The following RHOBTB3 variants were observed in gnomAD, a reference collection of about 807,000 sequenced individuals.
The protein encoded by RHOBTB3 is rho-related BTB domain-containing protein 3.
In RHOBTB3, 47 loss-of-function variants were observed where a neutral mutation model predicts 67.2. That is an observed-to-expected ratio of 0.70 (90% CI 0.55 to 0.89). RHOBTB3 has a LOEUF of 0.89. Among genes scored for constraint, RHOBTB3 ranks in the 40% least tolerant of loss-of-function variants. RHOBTB3 has a pLI of 0.00. For synonymous variants in RHOBTB3, 273 were observed against 274.2 expected, an observed-to-expected ratio of 1.00 and a Z score of 0.04; for missense variants, 631 against 750.0, an observed-to-expected ratio of 0.84 and a Z score of 1.85.
At chr5:95,777,940 A>T (rs1745936879) in intron 8 of RHOBTB3, among the ~76,000 whole-genome samples, 1 of 152,066 alleles carries the variant, frequency 6.6e-6, no homozygotes, top group Non-Finnish European at 1.5e-5. Context: ...AACACAGCAA[A>T]ACCCTGTCCC....
intron 8 of RHOBTB3, among the ~76,000 whole-genome samples, chr5:95,777,608 A>G (rs754538908): frequency 3.3e-5 from 5 of 152,226 alleles, no homozygotes; most frequent in Non-Finnish European, 7.3e-5. Context: ...TACGTAAACC[A>G]TAAACCGCAT....
At chr5:95,739,289 C>G (rs180995267) in intron 3 of RHOBTB3, among the ~76,000 whole-genome samples, 1 of 152,328 alleles carries the variant, frequency 6.6e-6, no homozygotes, top group African/African-American at 2.4e-5. Flanking sequence ...ATCTCAAACT[C>G]ATTACTTTCT....
chr5:95,734,585 A>C (rs929883515), intron 2 of RHOBTB3, among the ~76,000 whole-genome samples: 1 of 152,144 alleles, frequency 6.6e-6, no homozygotes, highest in South Asian at 2.1e-4. Flanking sequence ...TTTTAAAACA[A>C]ATGTGCTGCA....
intron 7 of RHOBTB3, among the ~76,000 whole-genome samples, chr5:95,765,270 C>G (rs1290395801): frequency 3.9e-5 from 6 of 152,168 alleles, no homozygotes. Context: ...GTACAGAAAT[C>G]TTGCCTTTTC....
At chr5:95,774,986 GGTATT>G (rs1745824811) in intron 8 of RHOBTB3, among the ~76,000 whole-genome samples, 1 of 152,050 alleles carries the variant, frequency 6.6e-6, no homozygotes, top group Non-Finnish European at 1.5e-5. Context: ...GTTGTATTTT[GGTATT>G]GGTATTCACA....
chr5:95,744,326 G>A (rs971302968), intron 3 of RHOBTB3, among the ~76,000 whole-genome samples: 2 of 152,054 alleles, frequency 1.3e-5, no homozygotes, highest in Non-Finnish European at 2.9e-5. Flanking sequence ...GAAGCCTTCC[G>A]TAATCCCCCC....
At chr5:95,752,846 A>G (rs1745128750) in intron 5 of RHOBTB3, among the ~76,000 whole-genome samples, 1 of 152,182 alleles carries the variant, frequency 6.6e-6, no homozygotes, top group Non-Finnish European at 1.5e-5. Context: ...AGGTGAACGT[A>G]GAGTCCCGGG....
At chr5:95,721,842 T>C (rs1349652579) in intron 1 of RHOBTB3, among the ~76,000 whole-genome samples, 1 of 152,130 alleles carries the variant, frequency 6.6e-6, no homozygotes, top group African/African-American at 2.4e-5. Context: ...AGCTAGGTGA[T>C]CTATTAGAAT....
chr5:95,777,287 A>G (rs958352113), intron 8 of RHOBTB3, among the ~76,000 whole-genome samples: 1 of 152,236 alleles, frequency 6.6e-6, no homozygotes, highest in African/African-American at 2.4e-5. Flanking sequence ...ACAGTTCTAA[A>G]AATTTCACTT....
chr5:95,722,498 G>GT (rs35247576), intron 1 of RHOBTB3, among the ~76,000 whole-genome samples: 31 of 149,144 alleles, frequency 2.1e-4, no homozygotes, highest in Admixed American at 4.0e-4. Context: ...TGTAAAAGAG[G>GT]TTTTTTTTTT....
intron 11 of RHOBTB3, chr5:95,789,135 C>CA (rs1746303928): frequency 9.7e-6 from 3 of 310,476 alleles, no homozygotes. Context: ...GATAAGGTGA[C>CA]AAAATGTGTC....
At position 95,732,025 on chromosome 5, in the gene RHOBTB3, G is replaced by A; in HGVS notation, c.169G>A (p.Glu57Lys). ...ASTVARPVFTEYQASAFGNVK... is the reference protein window; with the variant it reads ...ASTVARPVFTKYQASAFGNVK... Reference sequence around the variant, plus strand: ...CACGGTCGCGCGTCCGGTGTTCACCGAGTATCAGGCCAGTGCGTTTGGGAA... The same window carrying A: ...CACGGTCGCGCGTCCGGTGTTCACCAAGTATCAGGCCAGTGCGTTTGGGAA... The change falls in exon 2 of 12, where the codon GAG becomes AAG. Residue 57 changes from glutamate (E) to lysine (K), a missense_variant. Coordinates refer to ENST00000379982, the MANE Select transcript of RHOBTB3 (RefSeq NM_014899.4). The A allele has an allele frequency of 6.2e-7, 1 of 1,614,218 alleles. No individual in the cohort carries two copies. Among genetic ancestry groups the A allele is most frequent in the Non-Finnish European group, 8.5e-7 (1 of 1,180,042 alleles).
intron 2 of RHOBTB3, among the ~76,000 whole-genome samples, chr5:95,733,017 A>G (rs918811251): frequency 6.6e-6 from 1 of 152,242 alleles, no homozygotes; most frequent in African/African-American, 2.4e-5. Flanking sequence ...ACATTTAAAC[A>G]GCAATATTAA....
intron 10 of RHOBTB3, 130 bp from the exon 11 acceptor site, chr5:95,788,632 G>A: frequency 1.6e-6 from 1 of 619,216 alleles, no homozygotes; most frequent in Non-Finnish European, 2.8e-6. Flanking sequence ...TATACTGAAA[G>A]CTGCATCAGG....
At chr5:95,787,018 C>G (rs901880576) in intron 10 of RHOBTB3, among the ~76,000 whole-genome samples, 1 of 152,152 alleles carries the variant, frequency 6.6e-6, no homozygotes, top group East Asian at 1.9e-4. Context: ...TTCCTGGAAG[C>G]GGAAAGCTTA....
intron 8 of RHOBTB3, among the ~76,000 whole-genome samples, chr5:95,771,332 A>G (rs1315688378): frequency 6.6e-6 from 1 of 152,250 alleles, no homozygotes; most frequent in Non-Finnish European, 1.5e-5. Context: ...GCAGCGAACA[A>G]TAGTCATTTA....
At chr5:95,733,360 A>G (rs1755358636) in intron 2 of RHOBTB3, among the ~76,000 whole-genome samples, 1 of 152,178 alleles carries the variant, frequency 6.6e-6, no homozygotes, top group Non-Finnish European at 1.5e-5. Context: ...TTACAGCCTA[A>G]AAACATGACG....
intron 5 of RHOBTB3, 118 bp downstream of exon 5, chr5:95,752,468 G>C (rs1175570612): frequency 1.4e-6 from 1 of 735,352 alleles, no homozygotes; most frequent in Non-Finnish European, 2.3e-6. Flanking sequence ...CTGACATTCT[G>C]ATTCAGTCAA....
chr5:95,770,934 GA>G (rs779732968), intron 8 of RHOBTB3, among the ~76,000 whole-genome samples: 110 of 143,640 alleles, frequency 7.7e-4, no homozygotes, highest in Middle Eastern at 3.6e-3. Context: ...TTGTATTTTT[GA>G]AAAAAAAAAA....
Sources: allele counts gnomAD v4.1 joint callset (sites outside exome capture counted in the v4.1 genomes callset), GRCh38; gene constraint gnomAD v4.1.1; transcripts MANE v1.5; gene names NCBI Gene and HGNC (gene_info 2026-07-23, HGNC 2026-07-21).